The following XRN2 variants were observed in gnomAD, a reference collection of about 807,000 sequenced individuals.
XRN2 encodes the protein DHM1-like protein.
XRN2 carries 44 observed loss-of-function variants against 138.5 expected under a neutral mutation model. The observed-to-expected ratio is 0.32, with a 90% CI of 0.25 to 0.41. The LOEUF is 0.41. XRN2 is among the 10% of genes least tolerant of loss of function. XRN2 has a pLI of 1.00. For synonymous variants in XRN2, 354 were observed against 369.4 expected (o/e 0.96, Z 0.48); for missense variants, 937 against 1,169.3 (o/e 0.80, Z 2.90).
intron 1 of XRN2, among the ~76,000 whole-genome samples, chr20:21,325,599 A>T (rs1390552471): frequency 6.6e-6 from 1 of 152,232 alleles, no homozygotes; most frequent in East Asian, 1.9e-4. Flanking sequence ...TGAAAGAAGC[A>T]TCATGTGACG....
At chr20:21,312,734 A>G (rs774444595) in intron 1 of XRN2, among the ~76,000 whole-genome samples, 1 of 151,842 alleles carries the variant, frequency 6.6e-6, no homozygotes, top group Non-Finnish European at 1.5e-5. Flanking sequence ...AGCCTCCCAA[A>G]TAACTGGGAC....
intron 28 of XRN2, among the ~76,000 whole-genome samples, chr20:21,384,286 G>GT (rs943213693): frequency 2.0e-5 from 3 of 152,068 alleles, no homozygotes; most frequent in African/African-American, 7.2e-5. Context: ...CAGCCATTTA[G>GT]TTTTTTACCT....
intron 16 of XRN2, among the ~76,000 whole-genome samples, chr20:21,344,835 C>A (rs2038416004): frequency 6.6e-6 from 1 of 152,140 alleles, no homozygotes; most frequent in African/African-American, 2.4e-5. Flanking sequence ...TTAACAACCT[C>A]TCATGTAATT....
rs370964295 is a variant in XRN2 at position 21,331,728 on chromosome 20, A to G, written c.650-40A>G. 148 of 1,588,834 alleles carry G rather than the reference A, an allele frequency of 9.3e-5. No individual in the cohort carries two copies. In the African/African-American group the frequency reaches 1.7e-3, roughly 18 times the overall value. ...GTATGAAGTGATATTCTTGTGGTAT[A>G]TAATATATTAATATAAATACATGTT... On this transcript the variant is annotated intron_variant, in intron 7 of 29. Transcript: ENST00000377191.
chr20:21,375,025 T>TC (rs1175981259), intron 27 of XRN2, among the ~76,000 whole-genome samples: 29 of 141,582 alleles, frequency 2.0e-4, no homozygotes, highest in Non-Finnish European at 3.7e-4. Flanking sequence ...TTTTTTTTTT[T>TC]TTTTTTTTTT....
At chr20:21,326,133 G>A in intron 1 of XRN2, 146 bp from the exon 2 acceptor site, 1 of 793,350 alleles carries the variant, frequency 1.3e-6, no homozygotes, top group East Asian at 2.8e-5. Flanking sequence ...TTGCTTTAAG[G>A]AATAAAATAA....
chr20:21,371,729 G>T (rs2038764435), intron 27 of XRN2, among the ~76,000 whole-genome samples: 1 of 152,154 alleles, frequency 6.6e-6, no homozygotes, highest in Non-Finnish European at 1.5e-5. Context: ...TGGATACCAT[G>T]GCCTTTTGCT....
intron 1 of XRN2, among the ~76,000 whole-genome samples, chr20:21,315,406 T>A (rs1025510098): frequency 5.9e-5 from 9 of 152,250 alleles, no homozygotes; most frequent in African/African-American, 2.2e-4. Context: ...CATTTTCTGA[T>A]GACTAGTCGT....
At chr20:21,333,504 G>T in intron 9 of XRN2, 40 bp from the exon 10 acceptor site, 1 of 1,597,712 alleles carries the variant, frequency 6.3e-7, no homozygotes, top group Non-Finnish European at 8.6e-7. Context: ...ATTACTGGAC[G>T]TAGAGTAGAC....
intron 14 of XRN2, 39 bp from the exon 15 acceptor site, chr20:21,340,682 A>C: frequency 6.2e-7 from 1 of 1,600,126 alleles, no homozygotes; most frequent in Non-Finnish European, 8.5e-7. Flanking sequence ...CTGTGTTGTG[A>C]TTTAATTTTA....
intron 27 of XRN2, among the ~76,000 whole-genome samples, chr20:21,372,067 A>G (rs566214827): frequency 1.1e-4 from 17 of 152,240 alleles, no homozygotes; most frequent in Admixed American, 4.6e-4. Flanking sequence ...CAGTTAGAAT[A>G]TCTTTATTTC....
rs1035256930 is a variant in XRN2 at position 21,340,669 on chromosome 20, T to G, written c.1279-52T>G. 53 of 1,589,998 alleles carry G rather than the reference T, an allele frequency of 3.3e-5. No homozygotes were observed. In the Middle Eastern group the frequency reaches 6.8e-4, roughly 20 times the overall value. The stretch of plus-strand genomic sequence containing the variant: ...TTGCCCTTCTTTCCTTTCTGTCATC[T>G]AACTGTGTTGTGATTTAATTTTAAT... On this transcript the variant is annotated intron_variant, in intron 14 of 29. Coordinates refer to ENST00000377191, the MANE Select transcript of XRN2 (RefSeq NM_012255.5).
At position 21,369,491 on chromosome 20, in the gene XRN2, T is replaced by G. The variant is rs149406459; in HGVS notation, c.2584+901T>G. 3.6e-3 allele frequency among the ~76,000 whole-genome samples: 548 copies of G among 152,260 alleles called. 7 individuals carry two copies. Among genetic ancestry groups the G allele is most frequent in the Middle Eastern group, 0.02 (6 of 294 alleles). On this transcript the variant is annotated intron_variant, in intron 27 of 29. Coordinates refer to ENST00000377191, the MANE Select transcript of XRN2 (RefSeq NM_012255.5). The stretch of plus-strand genomic sequence containing the variant: ...TACTAATTTACATTCCCACCAGTGG[T>G]CCATGAGAGTTCCCTTTTCTCCATA...
chr20:21,319,090 T>C (rs941228134), intron 1 of XRN2, among the ~76,000 whole-genome samples: 1 of 152,172 alleles, frequency 6.6e-6, no homozygotes, highest in African/African-American at 2.4e-5. Flanking sequence ...TTAATTGTTA[T>C]ATCTTTTTCT....
chr20:21,379,409 A>G (rs1431230873), intron 27 of XRN2, among the ~76,000 whole-genome samples: 1 of 152,228 alleles, frequency 6.6e-6, no homozygotes, highest in Non-Finnish European at 1.5e-5. Context: ...ATATGAAGAA[A>G]TTTGGTTAAA....
chr20:21,374,923 A>T (rs187949462), intron 27 of XRN2, among the ~76,000 whole-genome samples: 1 of 150,344 alleles, frequency 6.7e-6, no homozygotes, highest in East Asian at 2.0e-4. Flanking sequence ...AGATTCCTTT[A>T]TGAAAAGGTT....
chr20:21,333,413 A>T, intron 9 of XRN2, 131 bp from the exon 10 acceptor site: 1 of 934,692 alleles, frequency 1.1e-6, no homozygotes. Context: ...TGCATTGGTG[A>T]GCTTTTAAAA....
rs1306048345 is a variant in XRN2 at position 21,330,704 on chromosome 20, C to T, written c.575C>T (p.Thr192Ile). 21 of 1,611,006 alleles carry T rather than the reference C, an allele frequency of 1.3e-5. No individual in the cohort carries two copies. Among genetic ancestry groups the T allele is most frequent in the South Asian group, 2.2e-5 (2 of 90,948 alleles). The change falls in exon 6 of 30, where the codon ACA (threonine) becomes ATA (isoleucine). Residue 192 changes from threonine to isoleucine, a missense_variant and splice_region_variant. This residue lies in a region of XRN2 where 471 missense variants were observed against 581.2 expected (regional missense o/e 0.81). Transcript: ENST00000377191. Reference protein sequence around the residue: ...LNNDPGWKNLTVILSDASAPG... With the variant: ...LNNDPGWKNLIVILSDASAPG... ...AATGACCCTGGGTGGAAAAATTTGA[C>T]AGTAAGTTTCACATTTTGATACTTC...
intron 26 of XRN2, among the ~76,000 whole-genome samples, chr20:21,366,646 A>C (rs540665016): frequency 6.6e-6 from 1 of 152,264 alleles, no homozygotes; most frequent in East Asian, 1.9e-4. Context: ...GACCACCACT[A>C]CTACTATGTC....
Sources: allele counts gnomAD v4.1 joint callset (sites outside exome capture counted in the v4.1 genomes callset), GRCh38; gene constraint gnomAD v4.1.1; regional missense constraint gnomAD v4.1.1; transcripts MANE v1.5; gene names NCBI Gene and HGNC (gene_info 2026-07-23, HGNC 2026-07-21).